The following CALN1 variants were observed in gnomAD, a reference collection of about 807,000 sequenced individuals.
CALN1 encodes calneuron 1.
Under a neutral mutation model 30.6 loss-of-function variants are expected in CALN1, and 17 were observed. That is an observed-to-expected ratio of 0.56 (90% confidence interval 0.38 to 0.83). The LOEUF (loss-of-function observed/expected upper bound fraction) is 0.83, where lower values mean the gene tolerates loss of function less well. Ranked by LOEUF, CALN1 falls within the 40% of genes least tolerant of loss-of-function variation. The pLI, the probability that CALN1 is intolerant of heterozygous loss-of-function variation, is 0.00. For synonymous variants in CALN1, 156 were observed against 131.4 expected (o/e 1.19, Z -1.28); for missense variants, 291 against 354.9 (o/e 0.82, Z 1.45).
At chr7:72,189,510 C>G (rs938395779) in intron 3 of CALN1, among the ~76,000 whole-genome samples, 1 of 152,020 alleles carries the variant, frequency 6.6e-6, no homozygotes, top group Non-Finnish European at 1.5e-5. Context: ...TAATCCCAGC[C>G]CTTTGGGAGG....
chr7:72,423,145 A>G (rs919925314), intron 1 of CALN1, among the ~76,000 whole-genome samples: 3 of 151,486 alleles, frequency 2.0e-5, no homozygotes, highest in African/African-American at 7.3e-5. Context: ...ATTTCATTTT[A>G]TCTTATCATT....
At chr7:72,050,641 C>T (rs1802775206) in intron 4 of CALN1, among the ~76,000 whole-genome samples, 1 of 152,114 alleles carries the variant, frequency 6.6e-6, no homozygotes, top group Non-Finnish European at 1.5e-5. Context: ...GAGAAAATTA[C>T]ATAACTCAAA....
rs529575771 is a variant in CALN1, at chr7:72,258,850, C to T, written c.244+19836G>A. 4.0e-5 allele frequency among the ~76,000 whole-genome samples: 6 copies of T among 149,032 alleles called. No individual in the cohort carries two copies. In the South Asian group the frequency reaches 1.3e-3, roughly 32 times the overall value. ...GGCAGATCACCCAAGGTCAGGAGTT[C>T]GAGAGCAGCCTGGCCAACATGGTGA... On this transcript the variant is annotated intron_variant, in intron 3 of 6. Coordinates refer to ENST00000395275, the MANE Select transcript of CALN1 (RefSeq NM_031468.4).
At chr7:72,110,244 T>TG (rs1317138597) in intron 3 of CALN1, among the ~76,000 whole-genome samples, 1 of 152,130 alleles carries the variant, frequency 6.6e-6, no homozygotes, top group Non-Finnish European at 1.5e-5. Flanking sequence ...GGGCCCTAGC[T>TG]GGGGGTGTTT....
At chr7:72,332,893 T>C (rs866117361) in intron 2 of CALN1, among the ~76,000 whole-genome samples, 53 of 152,332 alleles carry the variant, frequency 3.5e-4, no homozygotes, top group African/African-American at 1.2e-3. Context: ...TCCATGTTTC[T>C]GGTCTTCTCA....
At chr7:71,999,855 A>G (rs1327237763) in intron 5 of CALN1, among the ~76,000 whole-genome samples, 4 of 152,134 alleles carry the variant, frequency 2.6e-5, no homozygotes. Context: ...TCACCAAGAC[A>G]GATAATATAA....
chr7:72,144,691 C>T (rs1172294721), intron 3 of CALN1, among the ~76,000 whole-genome samples: 1 of 152,186 alleles, frequency 6.6e-6, no homozygotes, highest in Non-Finnish European at 1.5e-5. Context: ...CACCACACTG[C>T]ACTTACTCCA....
At chr7:71,799,890 G>A (rs1228793898) in intron 6 of CALN1, among the ~76,000 whole-genome samples, 2 of 152,132 alleles carry the variant, frequency 1.3e-5, no homozygotes, top group Non-Finnish European at 2.9e-5. Flanking sequence ...TTTGAAAACT[G>A]TCCTCTGTCT....
chr7:72,469,209 T>C, the CALN1 span, among the ~76,000 whole-genome samples: 1 of 152,212 alleles, frequency 6.6e-6, no homozygotes, highest in East Asian at 1.9e-4. Flanking sequence ...GCTTAGGTCT[T>C]AAATCCATTT....
At chr7:72,097,091 T>C (rs1297304879) in intron 4 of CALN1, among the ~76,000 whole-genome samples, 1 of 151,654 alleles carries the variant, frequency 6.6e-6, no homozygotes, top group African/African-American at 2.4e-5. Flanking sequence ...TTCTCACTCA[T>C]AGGTGGGAAT....
At chr7:72,367,172 G>C (rs890683550) in intron 2 of CALN1, among the ~76,000 whole-genome samples, 1 of 152,122 alleles carries the variant, frequency 6.6e-6, no homozygotes, top group Non-Finnish European at 1.5e-5. Flanking sequence ...AACTTGGGTT[G>C]GTGGAAGCAG....
intron 5 of CALN1, among the ~76,000 whole-genome samples, chr7:71,976,993 A>C (rs1584659393): frequency 6.6e-6 from 1 of 152,110 alleles, no homozygotes; most frequent in East Asian, 1.9e-4. Context: ...ATCCACCCGA[A>C]CCTTTTCTAA....
At chr7:72,379,461 A>T (rs778043210) in intron 2 of CALN1, among the ~76,000 whole-genome samples, 5 of 152,256 alleles carry the variant, frequency 3.3e-5, no homozygotes, top group Non-Finnish European at 7.3e-5. Flanking sequence ...CTCAATTAAT[A>T]CAACAGATAT....
chr7:71,959,386 A>G (rs1797124292), intron 5 of CALN1, among the ~76,000 whole-genome samples: 1 of 152,156 alleles, frequency 6.6e-6, no homozygotes, highest in Non-Finnish European at 1.5e-5. Flanking sequence ...GGTTGTTTTT[A>G]TATATTTGGA....
chr7:72,346,538 C>T (rs983448918), intron 2 of CALN1, among the ~76,000 whole-genome samples: 12 of 151,978 alleles, frequency 7.9e-5, no homozygotes, highest in Non-Finnish European at 5.9e-5. Context: ...TTATTTGAAA[C>T]GAAATTTCAC....
At chr7:72,010,647 A>G (rs1800017316) in intron 5 of CALN1, among the ~76,000 whole-genome samples, 1 of 151,380 alleles carries the variant, frequency 6.6e-6, no homozygotes, top group African/African-American at 2.4e-5. Flanking sequence ...CTCCATCTCT[A>G]CTAAAAATAC....
chr7:71,832,901 C>T (rs754179407), intron 5 of CALN1, among the ~76,000 whole-genome samples: 4 of 152,046 alleles, frequency 2.6e-5, no homozygotes, highest in South Asian at 4.2e-4. Context: ...CCGCCATGCT[C>T]GCCCACTTCC....
In CALN1 at chr7:71,893,413, G is replaced by A. The variant is rs184525135; in HGVS notation, c.502-82921C>T. On this transcript the variant is annotated intron_variant, in intron 5 of 6. Coordinates refer to ENST00000395275, the MANE Select transcript of CALN1 (RefSeq NM_031468.4). ...TGAAATAAGGTGCTTTTGGCCAGGC[G>A]TGGTGGCTCATGCCTGTAATCCCAG... Among the ~76,000 whole-genome samples the A allele has an allele frequency of 3.3e-5, 5 of 152,214 alleles. No individual in the cohort carries two copies. The East Asian group carries it at 7.8e-4, about 24-fold the overall frequency.
At chr7:71,990,670 C>T (rs1356156773) in intron 5 of CALN1, among the ~76,000 whole-genome samples, 1 of 152,144 alleles carries the variant, frequency 6.6e-6, no homozygotes, top group Non-Finnish European at 1.5e-5. Flanking sequence ...CCAGGCTGGT[C>T]TCAAACTCCT....
Sources: gnomAD v4.1 joint callset for allele counts (sites outside exome capture counted in the v4.1 genomes callset) on GRCh38, gnomAD v4.1.1 for gene constraint, MANE v1.5 for transcripts, NCBI Gene and HGNC (gene_info 2026-07-23, HGNC 2026-07-21) for gene names.